The following MMP16 variants were observed in gnomAD, a reference collection of about 807,000 sequenced individuals.
MMP16 encodes matrix metallopeptidase 16.
A neutral mutation model predicts 67.8 loss-of-function variants in MMP16; 12 were observed. That is an observed-to-expected ratio of 0.18 (90% CI 0.11 to 0.29). The LOEUF (loss-of-function observed/expected upper bound fraction) is 0.29, where lower values mean the gene tolerates loss of function less well. Among genes scored for constraint, MMP16 ranks in the 10% least tolerant of loss-of-function variants. The pLI is 1.00. For missense variants in MMP16, 475 were observed against 765.7 expected (o/e 0.62, Z 4.48); for synonymous variants, 249 against 255.9 (o/e 0.97, Z 0.26).
Position 88,039,600 on chromosome 8 carries a change from T to C in MMP16, c.*1861A>G, listed in dbSNP as rs1363251514. ...TTAAGTTGTTGTTAATGACAGTCAA[T>C]AGATCAATAATCAAGTTCAAGGCAA... On this transcript the variant is annotated 3_prime_UTR_variant, in exon 10 of 10. Coordinates refer to ENST00000286614, the MANE Select transcript of MMP16 (RefSeq NM_005941.5). This position sits in a 1 kb window ranked among gnomAD's most constrained non-coding sequence, Gnocchi z 4.5. The C allele has an allele frequency of 6.6e-6, 1 of 152,640 alleles. No homozygotes were observed. Among genetic ancestry groups the C allele is most frequent in the Non-Finnish European group, 1.5e-5 (1 of 68,054 alleles). The allele number at this position is 152,640 out of a possible 1,614,324, so 9.5% of individuals were successfully genotyped here.
chr8:88,084,968 A>G (rs1356521699), intron 6 of MMP16, among the ~76,000 whole-genome samples: 1 of 151,988 alleles, frequency 6.6e-6, no homozygotes, highest in Non-Finnish European at 1.5e-5. Context: ...AAAAAGAAAC[A>G]AAAATATGTT....
chr8:88,107,285 C>T (rs1809259124), intron 6 of MMP16, among the ~76,000 whole-genome samples: 1 of 150,742 alleles, frequency 6.6e-6, no homozygotes, highest in African/African-American at 2.4e-5. Flanking sequence ...TTTTTATTAG[C>T]CATTTTAATT....
At chr8:88,161,025 C>G (rs967113702) in intron 4 of MMP16, among the ~76,000 whole-genome samples, 2 of 152,120 alleles carry the variant, frequency 1.3e-5, no homozygotes, top group African/African-American at 2.4e-5. Flanking sequence ...TGTTGTGTCT[C>G]TGCCAGGCTT....
intron 1 of MMP16, among the ~76,000 whole-genome samples, chr8:88,303,685 G>C (rs1228176075): frequency 2.6e-5 from 4 of 152,210 alleles, no homozygotes; most frequent in Non-Finnish European, 5.9e-5. Context: ...GAGGCAACTA[G>C]GGTCTGGAGC....
intron 4 of MMP16, among the ~76,000 whole-genome samples, chr8:88,135,385 A>G (rs1446865872): frequency 4.6e-5 from 7 of 151,820 alleles, no homozygotes; most frequent in Non-Finnish European, 8.8e-5. Flanking sequence ...TCTATAATAG[A>G]TAGATAGGTA....
intron 1 of MMP16, among the ~76,000 whole-genome samples, chr8:88,316,919 G>A (rs527785144): frequency 3.9e-5 from 6 of 152,246 alleles, no homozygotes; most frequent in African/African-American, 1.2e-4. Context: ...TTTGGAAAAA[G>A]TTTATTCCAA....
At chr8:88,315,389 T>C (rs569246685) in intron 1 of MMP16, among the ~76,000 whole-genome samples, 3 of 152,338 alleles carry the variant, frequency 2.0e-5, no homozygotes, top group African/African-American at 7.2e-5. Context: ...GACTATGGAA[T>C]GTTTCTGAGA....
At chr8:88,217,727 C>T (rs771638422) in intron 1 of MMP16, among the ~76,000 whole-genome samples, 29 of 151,980 alleles carry the variant, frequency 1.9e-4, no homozygotes, top group Non-Finnish European at 3.7e-4. Context: ...CTTACTATCA[C>T]TATTTCCACT....
intron 4 of MMP16, among the ~76,000 whole-genome samples, chr8:88,150,831 C>A (rs2129644482): frequency 6.6e-6 from 1 of 150,462 alleles, no homozygotes; most frequent in Admixed American, 6.6e-5. Context: ...CAGCTAACAT[C>A]ATAATGACAG....
chr8:88,152,979 C>G (rs1331285797), intron 4 of MMP16, among the ~76,000 whole-genome samples: 40 of 83,572 alleles, frequency 4.8e-4, no homozygotes, highest in Non-Finnish European at 8.2e-4. Context: ...TCGTCTCAGC[C>G]CAAAATCTCC....
At chr8:88,216,641 A>T (rs905017355) in intron 1 of MMP16, among the ~76,000 whole-genome samples, 1 of 152,110 alleles carries the variant, frequency 6.6e-6, no homozygotes, top group Non-Finnish European at 1.5e-5. Flanking sequence ...ACTACAAGCC[A>T]GTTATTTTGG....
At chr8:88,146,539 T>C (rs1586174081) in intron 4 of MMP16, among the ~76,000 whole-genome samples, 1 of 151,958 alleles carries the variant, frequency 6.6e-6, no homozygotes, top group African/African-American at 2.4e-5. Context: ...ATCTAGTCTT[T>C]TGCAATTTGC....
chr8:88,070,203 T>C (rs2616489), intron 7 of MMP16, among the ~76,000 whole-genome samples: 40,552 of 152,052 alleles, frequency 0.27, 5,941 homozygotes, highest in Admixed American at 0.43. Context: ...CTGTGAATTT[T>C]ACCTTGTTGG....
At position 88,032,698 on chromosome 8, in the gene MMP16, A is replaced by G. The variant is rs1384107175; in HGVS notation, c.*8763T>C. ...AACAAGCTTTGTGTTTGTCAGTAGA[A>G]GCTATCTGAAAAAAAAAATGCCAGA... is the stretch of plus-strand genomic sequence containing the variant. On this transcript the variant is annotated 3_prime_UTR_variant, in exon 10 of 10. Transcript: ENST00000286614. 3.7e-5 allele frequency: 4 copies of G among 107,668 alleles called. No individual in the cohort carries two copies. Among genetic ancestry groups the G allele is most frequent in the African/African-American group, 1.0e-4 (3 of 28,586 alleles). The allele number at this position is 107,668 out of a possible 1,614,324, so 6.7% of individuals were successfully genotyped here.
chr8:88,131,799 T>C (rs1232279564), intron 4 of MMP16, among the ~76,000 whole-genome samples: 1 of 151,892 alleles, frequency 6.6e-6, no homozygotes, highest in Non-Finnish European at 1.5e-5. Flanking sequence ...TCTCACTTTC[T>C]TCATTGGAAT....
Position 88,247,990 on chromosome 8 carries a change from G to A in MMP16, c.133-50684C>T, listed in dbSNP as rs188185726. On this transcript the variant is annotated intron_variant, in intron 1 of 9. Coordinates refer to ENST00000286614, the MANE Select transcript of MMP16 (RefSeq NM_005941.5). Reference sequence around the variant, plus strand: ...CCAGACCAAGTGAATTTGAATTGGGGAGTGGGCACCAAGGTGTGGATATTT... The same window carrying A: ...CCAGACCAAGTGAATTTGAATTGGGAAGTGGGCACCAAGGTGTGGATATTT... Among the ~76,000 whole-genome samples the A allele has an allele frequency of 1.4e-4, 22 of 152,118 alleles. No individual in the cohort carries two copies. The East Asian group carries it at 4.1e-3, about 28-fold the overall frequency.
At chr8:88,163,010 A>G (rs1022932255) in intron 4 of MMP16, among the ~76,000 whole-genome samples, 1 of 152,034 alleles carries the variant, frequency 6.6e-6, no homozygotes, top group Non-Finnish European at 1.5e-5. Context: ...TCAAAGTTCA[A>G]ATTTTGTAGG....
chr8:88,158,943 T>C (rs1808563726), intron 4 of MMP16, among the ~76,000 whole-genome samples: 1 of 152,184 alleles, frequency 6.6e-6, no homozygotes, highest in Non-Finnish European at 1.5e-5. Context: ...CATTTCTTGT[T>C]CTTGTCAGGT....
chr8:88,239,308 A>AAAG (rs1809996799), intron 1 of MMP16, among the ~76,000 whole-genome samples: 2 of 151,490 alleles, frequency 1.3e-5, no homozygotes. Flanking sequence ...AAAAAAAAAA[A>AAAG]AAAAAAGAAA....
Sources: gnomAD v4.1 joint callset for allele counts (sites outside exome capture counted in the v4.1 genomes callset) on GRCh38, gnomAD v4.1.1 for gene constraint, Gnocchi (gnomAD v3.1) non-coding constraint, MANE v1.5 for transcripts, NCBI Gene and HGNC (gene_info 2026-07-23, HGNC 2026-07-21) for gene names.